FRS2: variants seen among roughly 807,000 people sequenced by gnomAD.
FRS2 encodes the protein fibroblast growth factor receptor substrate 2.
Under a neutral mutation model 43.9 loss-of-function variants are expected in FRS2, and 8 were observed. The observed-to-expected ratio is 0.18, with a 90% CI of 0.11 to 0.33. FRS2 has a LOEUF of 0.33. FRS2 is among the 10% of genes least tolerant of loss of function. The pLI is 1.00. For missense variants in FRS2, 534 were observed against 627.6 expected, an observed-to-expected ratio of 0.85 and a Z score of 1.59; for synonymous variants, 219 against 220.3, an observed-to-expected ratio of 0.99 and a Z score of 0.05.
intron 1 of FRS2, among the ~76,000 whole-genome samples, chr12:69,517,088 C>A (rs2135594369): frequency 6.6e-6 from 1 of 152,292 alleles, no homozygotes; most frequent in Non-Finnish European, 1.5e-5. Context: ...GCTTATTCAT[C>A]CTCCACAAGG....
At chr12:69,542,145 T>C (rs1017804922) in intron 3 of FRS2, among the ~76,000 whole-genome samples, 7 of 152,212 alleles carry the variant, frequency 4.6e-5, no homozygotes, top group African/African-American at 1.7e-4. Context: ...TGAATATTTT[T>C]CTTTACTGAC....
intron 1 of FRS2, among the ~76,000 whole-genome samples, chr12:69,487,622 C>T (rs943395229): frequency 2.0e-5 from 3 of 152,210 alleles, no homozygotes; most frequent in Admixed American, 1.3e-4. Context: ...CACATCTATT[C>T]TGCAGCCCAT....
chr12:69,561,319 G>A (rs1016192794), intron 3 of FRS2, among the ~76,000 whole-genome samples: 1 of 152,002 alleles, frequency 6.6e-6, no homozygotes. Context: ...TGAAATTGTT[G>A]CATTTGAAGT....
intron 3 of FRS2, among the ~76,000 whole-genome samples, chr12:69,536,002 C>G (rs532732362): frequency 6.8e-6 from 1 of 147,688 alleles, no homozygotes; most frequent in Non-Finnish European, 1.5e-5. Flanking sequence ...TCTGAACACA[C>G]TTTTAGCCTT....
chr12:69,559,755 A>C (rs1879724430), intron 3 of FRS2, among the ~76,000 whole-genome samples: 1 of 151,952 alleles, frequency 6.6e-6, no homozygotes, highest in Non-Finnish European at 1.5e-5. Flanking sequence ...ACAGGAAATT[A>C]ATGTGTATAT....
At chr12:69,562,760 G>C (rs1359586557) in intron 4 of FRS2, among the ~76,000 whole-genome samples, 1 of 151,966 alleles carries the variant, frequency 6.6e-6, no homozygotes, top group African/African-American at 2.4e-5. Context: ...GCATATCATA[G>C]CTCACTGCAG....
chr12:69,509,230 GTC>G (rs1213560144), intron 1 of FRS2, among the ~76,000 whole-genome samples: 2 of 151,950 alleles, frequency 1.3e-5, no homozygotes, highest in Non-Finnish European at 2.9e-5. Flanking sequence ...TAAGATTGGG[GTC>G]TCTCATTCAC....
At chr12:69,477,802 A>G (rs1870963306) in intron 1 of FRS2, among the ~76,000 whole-genome samples, 1 of 149,700 alleles carries the variant, frequency 6.7e-6, no homozygotes, top group African/African-American at 2.5e-5. Context: ...GTGCAGTGGC[A>G]TGATCCTGGC....
At chr12:69,572,953 C>T (rs1565785054) in intron 8 of FRS2, among the ~76,000 whole-genome samples, 2 of 152,202 alleles carry the variant, frequency 1.3e-5, no homozygotes, top group African/African-American at 4.8e-5. Flanking sequence ...GCCTCAGCCT[C>T]CCAGGTAGCT....
chr12:69,514,418 C>T (rs1874773928), intron 1 of FRS2, among the ~76,000 whole-genome samples: 1 of 152,160 alleles, frequency 6.6e-6, no homozygotes, highest in Non-Finnish European at 1.5e-5. Context: ...AGAATGAGCT[C>T]CTTCTGCTCT....
At chr12:69,516,061 G>A (rs1028555358) in intron 1 of FRS2, among the ~76,000 whole-genome samples, 1 of 151,814 alleles carries the variant, frequency 6.6e-6, no homozygotes, top group Non-Finnish European at 1.5e-5. Flanking sequence ...ACCACCTCTC[G>A]TTAATTATTA....
intron 1 of FRS2, among the ~76,000 whole-genome samples, chr12:69,496,715 G>C (rs1200957942): frequency 1.3e-5 from 2 of 152,114 alleles, no homozygotes; most frequent in Non-Finnish European, 1.5e-5. Flanking sequence ...GTAGCTTTTT[G>C]CCTAAGGTAA....
intron 3 of FRS2, among the ~76,000 whole-genome samples, chr12:69,553,141 G>A (rs1249712330): frequency 1.3e-5 from 2 of 151,862 alleles, no homozygotes; most frequent in Non-Finnish European, 2.9e-5. Context: ...GCACAATCTC[G>A]GCTCACTGCA....
chr12:69,533,902 T>G (rs1018718863), intron 3 of FRS2, among the ~76,000 whole-genome samples: 1 of 152,142 alleles, frequency 6.6e-6, no homozygotes, highest in Admixed American at 6.5e-5. Flanking sequence ...AGGCAGAGAT[T>G]TAGATTGTTT....
intron 6 of FRS2, 43 bp from the exon 7 acceptor site, chr12:69,571,233 A>T: frequency 2.2e-6 from 3 of 1,354,226 alleles, no homozygotes; most frequent in Admixed American, 2.4e-5. Context: ...AGTTTTTTTT[A>T]AAGGTATGTT....
chr12:69,502,098 T>G (rs894744476), intron 1 of FRS2, among the ~76,000 whole-genome samples: 1 of 152,164 alleles, frequency 6.6e-6, no homozygotes, highest in African/African-American at 2.4e-5. Context: ...CCTGAGTAGC[T>G]GGGTTTATAG....
intron 3 of FRS2, among the ~76,000 whole-genome samples, chr12:69,560,033 A>G (rs1472849560): frequency 6.6e-6 from 1 of 152,154 alleles, no homozygotes; most frequent in African/African-American, 2.4e-5. Context: ...CAAATTTATA[A>G]TCATACTTGT....
chr12:69,552,265 G>A (rs1251903368), intron 3 of FRS2, among the ~76,000 whole-genome samples: 7 of 118,308 alleles, frequency 5.9e-5, no homozygotes, highest in Non-Finnish European at 1.1e-4. Flanking sequence ...TCATGCCATT[G>A]CATTCCAGCC....
intron 3 of FRS2, among the ~76,000 whole-genome samples, chr12:69,554,219 T>A (rs1879149695): frequency 6.6e-6 from 1 of 152,198 alleles, no homozygotes; most frequent in East Asian, 1.9e-4. Context: ...TTTTCTTTAG[T>A]TAATAATTCA....
Sources: gnomAD v4.1 joint callset for allele counts (sites outside exome capture counted in the v4.1 genomes callset) on GRCh38, gnomAD v4.1.1 for gene constraint, MANE v1.5 for transcripts, NCBI Gene and HGNC (gene_info 2026-07-23, HGNC 2026-07-21) for gene names.